CLVS1: variants seen among roughly 807,000 people sequenced by gnomAD.
The protein encoded by CLVS1 is clavesin 1, also known as clavesin-1.
A neutral mutation model predicts 33.1 loss-of-function variants in CLVS1; 10 were observed. The ratio of observed to expected loss-of-function variants is 0.30; its 90% CI spans 0.19 to 0.51. The LOEUF (loss-of-function observed/expected upper bound fraction) is 0.51, where lower values mean the gene tolerates loss of function less well. Ranked by LOEUF, CLVS1 falls within the 20% of genes least tolerant of loss-of-function variation. The pLI, the probability that CLVS1 is intolerant of heterozygous loss-of-function variation, is 0.97. For synonymous variants in CLVS1, 163 were observed against 166.1 expected (o/e 0.98, Z 0.14); for missense variants, 343 against 433.4 (o/e 0.79, Z 1.85).
chr8:61,385,559 AAAG>A (rs1304498613), intron 3 of CLVS1, among the ~76,000 whole-genome samples: 4 of 152,224 alleles, frequency 2.6e-5, no homozygotes, highest in Admixed American at 1.3e-4. Context: ...TAGTGAAAAA[AAAG>A]AGGAGAGGAG....
intron 2 of CLVS1, among the ~76,000 whole-genome samples, chr8:61,357,494 C>A (rs200761711): frequency 1.7e-3 from 43 of 25,804 alleles, no homozygotes; most frequent in Non-Finnish European, 3.6e-3. Flanking sequence ...TTTTTCTTTT[C>A]TTTTTTTTTT....
chr8:60,981,762 T>C, the CLVS1 span, among the ~76,000 whole-genome samples: 49 of 152,246 alleles, frequency 3.2e-4, no homozygotes, highest in African/African-American at 1.0e-3. Context: ...CCAGGGTGGG[T>C]GTGGAGTCCT....
intron 2 of CLVS1, among the ~76,000 whole-genome samples, chr8:61,275,058 A>T (rs1438429147): frequency 1.3e-5 from 2 of 152,202 alleles, no homozygotes; most frequent in Non-Finnish European, 2.9e-5. Flanking sequence ...GCCAAAAATT[A>T]AAAAAAGAAA....
the CLVS1 span, among the ~76,000 whole-genome samples, chr8:61,007,499 A>G: frequency 6.6e-6 from 1 of 152,246 alleles, no homozygotes; most frequent in South Asian, 2.1e-4. Flanking sequence ...CAGTTAAATC[A>G]GCATCACTTT....
chr8:61,103,051 C>CA (rs941123259), intron 1 of CLVS1, among the ~76,000 whole-genome samples: 1 of 145,376 alleles, frequency 6.9e-6, no homozygotes, highest in African/African-American at 2.5e-5. Context: ...AGAAGAATAT[C>CA]AAATTTTTTT....
chr8:61,352,573 A>G (rs1812513183), intron 2 of CLVS1, among the ~76,000 whole-genome samples: 1 of 152,036 alleles, frequency 6.6e-6, no homozygotes, highest in Admixed American at 6.6e-5. Flanking sequence ...AAGATATATC[A>G]TGCAAAGATG....
intron 1 of CLVS1, among the ~76,000 whole-genome samples, chr8:61,092,531 G>T (rs916120740): frequency 6.8e-4 from 104 of 152,326 alleles, no homozygotes; most frequent in African/African-American, 2.5e-3. Flanking sequence ...CTAGGTGTTT[G>T]CAAAGTTTCC....
At chr8:61,142,870 A>C (rs556988710) in intron 2 of CLVS1, among the ~76,000 whole-genome samples, 1 of 152,318 alleles carries the variant, frequency 6.6e-6, no homozygotes, top group South Asian at 2.1e-4. Flanking sequence ...CCTCTTCGAC[A>C]CTTGTGAATG....
At chr8:61,347,097 C>G (rs1024268382) in intron 2 of CLVS1, among the ~76,000 whole-genome samples, 1 of 152,192 alleles carries the variant, frequency 6.6e-6, no homozygotes, top group Non-Finnish European at 1.5e-5. Flanking sequence ...GCTTTGGCAG[C>G]ACCAAGAGGG....
intron 5 of CLVS1, among the ~76,000 whole-genome samples, chr8:61,498,647 T>C (rs77411979): frequency 1.5e-3 from 226 of 152,350 alleles, no homozygotes; most frequent in African/African-American, 5.2e-3. Context: ...ATTACTAGTA[T>C]TGCAATAGTG....
chr8:61,386,240 G>GT (rs1289833873), intron 3 of CLVS1, among the ~76,000 whole-genome samples: 2 of 152,196 alleles, frequency 1.3e-5, no homozygotes, highest in Non-Finnish European at 2.9e-5. Flanking sequence ...AGTTTGGGGT[G>GT]TGAGGGTAAG....
chr8:61,474,662 A>G (rs1817848174), intron 5 of CLVS1, among the ~76,000 whole-genome samples: 1 of 152,182 alleles, frequency 6.6e-6, no homozygotes, highest in Non-Finnish European at 1.5e-5. Flanking sequence ...TAGGACCCCG[A>G]GCCTGAGTGG....
intron 2 of CLVS1, among the ~76,000 whole-genome samples, chr8:61,206,590 C>CTT (rs10535294): frequency 1.6e-4 from 22 of 139,088 alleles, no homozygotes; most frequent in South Asian, 4.5e-4. Flanking sequence ...TTTTTTCTTT[C>CTT]TTTTTTTTTT....
the CLVS1 span, among the ~76,000 whole-genome samples, chr8:61,050,909 C>T: frequency 6.6e-6 from 1 of 152,210 alleles, no homozygotes. Context: ...TTCCTCTTCC[C>T]TGCCACCCCT....
At chr8:61,193,372 G>A (rs770236767) in intron 2 of CLVS1, among the ~76,000 whole-genome samples, 2 of 152,098 alleles carry the variant, frequency 1.3e-5, no homozygotes, top group Non-Finnish European at 2.9e-5. Context: ...GCCTGTCGTA[G>A]GGCGGGGAGA....
intron 3 of CLVS1, among the ~76,000 whole-genome samples, chr8:61,385,705 T>G (rs1814055417): frequency 6.6e-6 from 1 of 152,220 alleles, no homozygotes; most frequent in African/African-American, 2.4e-5. Context: ...TGTACTGACT[T>G]TATTTTCAGT....
chr8:61,177,149 A>G (rs932483870), intron 2 of CLVS1, among the ~76,000 whole-genome samples: 2 of 152,166 alleles, frequency 1.3e-5, no homozygotes, highest in African/African-American at 4.8e-5. Flanking sequence ...CCCCTGCTGG[A>G]GCCAAGGATA....
the CLVS1 span, among the ~76,000 whole-genome samples, chr8:60,995,412 T>G: frequency 6.6e-6 from 1 of 152,030 alleles, no homozygotes. Flanking sequence ...CATGAAAAAA[T>G]GCTCACCATC....
At chr8:61,488,340 A>G (rs143528507) in intron 5 of CLVS1, among the ~76,000 whole-genome samples, 365 of 152,338 alleles carry the variant, frequency 2.4e-3, no homozygotes, top group African/African-American at 8.3e-3. Flanking sequence ...AACGCAAGCT[A>G]GTTATGACCT....
Sources: allele counts gnomAD v4.1 joint callset (sites outside exome capture counted in the v4.1 genomes callset), GRCh38; gene constraint gnomAD v4.1.1; transcripts MANE v1.5; gene names NCBI Gene and HGNC (gene_info 2026-07-23, HGNC 2026-07-21).